The following TWF2 variants were observed in gnomAD, a reference collection of about 807,000 sequenced individuals.
TWF2 encodes the protein twinfilin-2.
TWF2 carries 15 observed loss-of-function variants against 45.1 expected under a neutral mutation model. The observed-to-expected ratio is 0.33, with a 90% CI of 0.22 to 0.51. TWF2 has a LOEUF of 0.51. Among genes scored for constraint, TWF2 ranks in the 20% least tolerant of loss-of-function variants. The probability of loss-of-function intolerance (pLI) is 0.97; values close to 1 mark genes in which losing one functional copy is unlikely to be tolerated. For missense variants in TWF2, 423 were observed against 469.1 expected (o/e 0.90, Z 0.91); for synonymous variants, 177 against 195.8 (o/e 0.90, Z 0.80).
rs773983527 is a variant in TWF2 at position 52,229,713 on chromosome 3, C to G, written c.830G>C (p.Ser277Thr). The change falls in exon 8 of 9, where the codon AGC becomes ACC. Residue 277 changes from serine (S) to threonine (T), a missense_variant. By Grantham distance (58) the Ser-to-Thr change is moderately conservative. Transcript: ENST00000305533. ...CTGCTCCACGGAGTCGAGGAGGCGG[C>G]TCTTGCAGCTGGAGTAGAGCATTCG... ...KERMLYSSCK[S>T]RLLDSVEQDF... is the part of the protein sequence containing the mutation. 1 of 1,613,394 alleles carries G rather than the reference C, an allele frequency of 6.2e-7. No individual in the cohort carries two copies. Among genetic ancestry groups the G allele is most frequent in the South Asian group, 1.1e-5 (1 of 91,090 alleles).
At chr3:52,230,454 G>C (rs371002724) in intron 6 of TWF2, among the ~76,000 whole-genome samples, 3 of 152,192 alleles carry the variant, frequency 2.0e-5, no homozygotes, top group African/African-American at 7.2e-5. Context: ...GCTTGAAAGC[G>C]GCAGCCGGAA....
At chr3:52,229,459 G>C (rs1305341791) in intron 8 of TWF2, among the ~76,000 whole-genome samples, 1 of 152,232 alleles carries the variant, frequency 6.6e-6, no homozygotes, top group Non-Finnish European at 1.5e-5. Flanking sequence ...ACATGACATG[G>C]TAGCCAGGAC....
chr3:52,232,178 G>A, intron 2 of TWF2, 56 bp from the exon 3 acceptor site: 3 of 1,462,970 alleles, frequency 2.1e-6, no homozygotes, highest in Non-Finnish European at 2.7e-6. Flanking sequence ...GCCTCCCGCT[G>A]CAGACCTCCA....
At chr3:52,233,822 G>A (rs1267263630) in intron 2 of TWF2, among the ~76,000 whole-genome samples, 2 of 150,604 alleles carry the variant, frequency 1.3e-5, no homozygotes. Flanking sequence ...GCTGAGGCAG[G>A]AGAATGGCGT....
intron 2 of TWF2, 29 bp downstream of exon 2, chr3:52,235,000 C>T (rs757939405): frequency 6.2e-7 from 1 of 1,611,778 alleles, no homozygotes; most frequent in South Asian, 1.1e-5. Context: ...ACCCCCAAGC[C>T]TATACCCTGG....
intron 3 of TWF2, 139 bp from the exon 4 acceptor site, chr3:52,231,678 G>T: frequency 9.4e-7 from 1 of 1,061,210 alleles, no homozygotes; most frequent in Non-Finnish European, 1.3e-6. Flanking sequence ...CCAGGACGCA[G>T]CAGGTGGCCC....
In TWF2 at chr3:52,231,143, T is replaced by C; in HGVS notation, c.467A>G (p.Gln156Arg). ...CCCACCCACCTCGTTAATGCGGATCTGCTGGAGCTCTCTCTCAGCCGAGGT... is the reference window on the plus strand; with the variant it reads ...CCCACCCACCTCGTTAATGCGGATCCGCTGGAGCTCTCTCTCAGCCGAGGT... Reference protein sequence around the residue: ...PLTSAERELQQIRINEVKTEI... With the variant: ...PLTSAERELQRIRINEVKTEI... Residue 156 changes from glutamine to arginine, a missense_variant, in exon 5 of 9, where the codon CAG becomes CGG. By Grantham distance (43) the Gln-to-Arg change is conservative. Coordinates refer to ENST00000305533, the MANE Select transcript of TWF2 (RefSeq NM_007284.4). 6.2e-7 allele frequency: 1 copy of C among 1,614,078 alleles called. No individual in the cohort carries two copies. The highest frequency in any genetic ancestry group is 8.5e-7 in the Non-Finnish European group (1 of 1,179,960).
In TWF2 at chr3:52,228,755, G is replaced by A. The variant is rs534030369; in HGVS notation, c.*279C>T. ...GCTGGGACCCTAGTCTCAGCTCCCC[G>A]GGAGGCCAGGTTCATGCCAGGCCCC... On this transcript the variant is annotated 3_prime_UTR_variant, in exon 9 of 9. Transcript: ENST00000305533. 2.5e-4 allele frequency: 119 copies of A among 476,442 alleles called. No individual in the cohort carries two copies. The highest frequency in any genetic ancestry group is 1.8e-3 in the African/African-American group (90 of 50,658). The allele number at this position is 476,442 out of a possible 1,614,324, so 29.5% of individuals were successfully genotyped here.
chr3:52,229,277 G>T, intron 8 of TWF2, 76 bp from the exon 9 acceptor site: 1 of 1,559,776 alleles, frequency 6.4e-7, no homozygotes, highest in Non-Finnish European at 8.6e-7. Flanking sequence ...CCCCACTCCT[G>T]GGGCACCCCT....
chr3:52,229,615 G>A (rs756115166), intron 8 of TWF2, 46 bp downstream of exon 8: 22 of 1,603,068 alleles, frequency 1.4e-5, no homozygotes, highest in South Asian at 4.4e-5. Flanking sequence ...CATGGAGATT[G>A]GAGTGATAGG....
chr3:52,229,997 C>T lies in TWF2; in HGVS notation c.683G>A (p.Arg228Gln), dbSNP rs769661628. 42 of 1,612,326 alleles carry T rather than the reference C, an allele frequency of 2.6e-5. No homozygotes were observed. The highest frequency in any genetic ancestry group is 3.1e-5 in the Non-Finnish European group (37 of 1,179,906). ...GTAGCGGGCAGCATCTCGGGGCACCCGGGAGGGCAGCTGGGCCACATCCGT... is the reference window on the plus strand; with the variant it reads ...GTAGCGGGCAGCATCTCGGGGCACCTGGGAGGGCAGCTGGGCCACATCCGT... ...EPTDVAQLPS[R>Q]VPRDAARYHF... is the part of the protein sequence containing the mutation. The change falls in exon 7 of 9, where the codon CGG becomes CAG. Residue 228 changes from arginine to glutamine, a missense_variant. By Grantham distance (43) the Arg-to-Gln change is conservative. Transcript: ENST00000305533.
chr3:52,232,230 C>T, intron 2 of TWF2, 108 bp from the exon 3 acceptor site: 1 of 1,329,768 alleles, frequency 7.5e-7, no homozygotes, highest in Non-Finnish European at 1.0e-6. Context: ...CCGCCGGCTG[C>T]CCCTCACCTT....
chr3:52,235,257 G>A, intron 1 of TWF2, 151 bp from the exon 2 acceptor site: 1 of 584,076 alleles, frequency 1.7e-6, no homozygotes, highest in Non-Finnish European at 2.8e-6. Context: ...GACAGCCACT[G>A]AACACAAGCT....
intron 8 of TWF2, 75 bp downstream of exon 8, chr3:52,229,586 T>G: frequency 6.3e-7 from 1 of 1,577,560 alleles, no homozygotes; most frequent in South Asian, 1.1e-5. Flanking sequence ...TGCCGTCATC[T>G]CAGGACCCCA....
intron 1 of TWF2, among the ~76,000 whole-genome samples, chr3:52,237,267 T>TG (rs1699736452): frequency 6.6e-6 from 1 of 152,142 alleles, no homozygotes. Flanking sequence ...AGGCCAGGCC[T>TG]GGGACACCTG....
chr3:52,237,535 A>C (rs1254673556), intron 1 of TWF2, among the ~76,000 whole-genome samples: 1 of 151,974 alleles, frequency 6.6e-6, no homozygotes, highest in African/African-American at 2.4e-5. Flanking sequence ...CTGTCTCACT[A>C]TGGGAAAGGA....
chr3:52,230,842 T>TG, intron 6 of TWF2, 28 bp downstream of exon 6: 1 of 1,606,622 alleles, frequency 6.2e-7, no homozygotes, highest in Non-Finnish European at 8.5e-7. Context: ...GGTGGCAGCA[T>TG]GTGCCAGGGT....
chr3:52,229,836 G>A (rs2107300620), intron 7 of TWF2, 54 bp from the exon 8 acceptor site: 5 of 1,597,294 alleles, frequency 3.1e-6, no homozygotes, highest in Middle Eastern at 1.7e-4. Context: ...GCTGACCTTC[G>A]CACCCAGAGC....
Position 52,230,900 on chromosome 3 carries a change from G to T in TWF2, c.579C>A (p.Leu193=). Residue 193 remains leucine (L), a synonymous_variant, in exon 6 of 9, where the codon CTC becomes CTA. Coordinates refer to ENST00000305533, the MANE Select transcript of TWF2 (RefSeq NM_007284.4). ...QPEAQRALQQ[L]KQKMVNYIQM... The stretch of plus-strand genomic sequence containing the variant: ...GGATGTAGTTGACCATTTTCTGCTT[G>T]AGCTGCTGGAGTGCCCGCTGGGCCT... 1 of 1,610,014 alleles carries T rather than the reference G, an allele frequency of 6.2e-7. No individual in the cohort carries two copies. Among genetic ancestry groups the T allele is most frequent in the Non-Finnish European group, 8.5e-7 (1 of 1,178,196 alleles).
Sources: allele counts gnomAD v4.1 joint callset (sites outside exome capture counted in the v4.1 genomes callset), GRCh38; gene constraint gnomAD v4.1.1; transcripts MANE v1.5; gene names NCBI Gene and HGNC (gene_info 2026-07-23, HGNC 2026-07-21).